The following LAMB3 variants were observed in gnomAD, a reference collection of about 807,000 sequenced individuals.
The protein encoded by LAMB3 is laminin subunit beta 3.
LAMB3 carries 104 observed loss-of-function variants against 140.3 expected under a neutral mutation model. The observed-to-expected ratio is 0.74, with a 90% CI of 0.63 to 0.87. The LOEUF (loss-of-function observed/expected upper bound fraction) is 0.87, where lower values mean the gene tolerates loss of function less well. Ranked by LOEUF, LAMB3 falls within the 40% of genes least tolerant of loss-of-function variation. LAMB3 has a pLI of 0.00. For missense variants in LAMB3, 1,531 were observed against 1,575.2 expected (o/e 0.97, Z 0.47); for synonymous variants, 592 against 602.9 (o/e 0.98, Z 0.26).
chr1:209,635,391 T>A (rs971952464), intron 5 of LAMB3, among the ~76,000 whole-genome samples: 6 of 120,130 alleles, frequency 5.0e-5, no homozygotes, highest in African/African-American at 2.1e-4. Context: ...TTCTGTTTTT[T>A]GTTTGTTTGT....
chr1:209,618,309 TG>T, intron 19 of LAMB3, 142 bp downstream of exon 19: 1 of 936,170 alleles, frequency 1.1e-6, no homozygotes, highest in Non-Finnish European at 1.7e-6. Context: ...ACCTGCACTC[TG>T]GACTCTGTGT....
chr1:209,616,519 C>T lies in LAMB3; in HGVS notation c.3334G>A (p.Ala1112Thr). ...GARIQSVKTEAEELFGETMEM... is the reference protein window; with the variant it reads ...GARIQSVKTETEELFGETMEM... Reference sequence around the variant, plus strand: ...ATGGTCTCCCCAAACAGCTCCTCTGCCTCTGTCTTCACACTCTGGATCCGG... The same window carrying T: ...ATGGTCTCCCCAAACAGCTCCTCTGTCTCTGTCTTCACACTCTGGATCCGG... The change falls in exon 22 of 23, where the codon GCA becomes ACA. Residue 1112 changes from alanine to threonine, a missense_variant. By Grantham distance (58) the Ala-to-Thr change is moderately conservative (BLOSUM62 0). Transcript: ENST00000356082. 6.2e-7 allele frequency: 1 copy of T among 1,614,212 alleles called. No homozygotes were observed. Among genetic ancestry groups the T allele is most frequent in the Non-Finnish European group, 8.5e-7 (1 of 1,180,034 alleles).
intron 1 of LAMB3, chr1:209,652,138 C>T (rs1417676163): frequency 2.0e-5 from 3 of 152,270 alleles, no homozygotes; most frequent in African/African-American, 7.2e-5. Flanking sequence ...CTTCTCACTT[C>T]TCTTTTGTGC....
rs368295070 is a variant in LAMB3, at chr1:209,623,187, C to T, written c.2359-8G>A. ...CCTGGAGTTGCCACAGAGCTGTGGA[C>T]AGATGGCGGTGTTAAAGAGGCTACC... On this transcript the variant is annotated splice_polypyrimidine_tract_variant and splice_region_variant and intron_variant, in intron 16 of 22. Transcript: ENST00000356082. The surrounding 1 kb of genome is among the most constrained non-coding windows in gnomAD (Gnocchi z 4.2). The T allele has an allele frequency of 4.2e-5, 67 of 1,614,000 alleles. No individual in the cohort carries two copies. Among genetic ancestry groups the T allele is most frequent in the Non-Finnish European group, 5.3e-5 (63 of 1,179,964 alleles).
chr1:209,650,891 C>A, intron 2 of LAMB3, 26 bp downstream of exon 2: 1 of 1,612,740 alleles, frequency 6.2e-7, no homozygotes, highest in Non-Finnish European at 8.5e-7. Context: ...ATAACAGGGC[C>A]TGGAAGGATG....
At chr1:209,617,671 G>T (rs994364682) in intron 20 of LAMB3, 85 bp from the exon 21 acceptor site, 3 of 1,513,656 alleles carry the variant, frequency 2.0e-6, no homozygotes, top group African/African-American at 2.7e-5. Context: ...AACTCATCAG[G>T]CAGCAAAAAC....
At chr1:209,639,635 ACACAC>A (rs2076447034) in intron 3 of LAMB3, among the ~76,000 whole-genome samples, 1 of 152,000 alleles carries the variant, frequency 6.6e-6, no homozygotes, top group Non-Finnish European at 1.5e-5. Flanking sequence ...ACACACACAC[ACACAC>A]ACGCACACGC....
intron 19 of LAMB3, 49 bp downstream of exon 19, chr1:209,618,403 A>C (rs373166932): frequency 4.4e-6 from 7 of 1,588,056 alleles, no homozygotes; most frequent in Admixed American, 1.7e-5. Flanking sequence ...GAGGAGCAAA[A>C]CGCCAGCTTA....
chr1:209,635,902 T>A (rs1442799173), intron 5 of LAMB3, among the ~76,000 whole-genome samples: 1 of 152,228 alleles, frequency 6.6e-6, no homozygotes, highest in East Asian at 1.9e-4. Flanking sequence ...AGGCCACCTC[T>A]TCTCTTCAAG....
intron 19 of LAMB3, 88 bp from the exon 20 acceptor site, chr1:209,618,136 G>C: frequency 6.5e-7 from 1 of 1,530,042 alleles, no homozygotes; most frequent in Non-Finnish European, 9.0e-7. Context: ...CAGTCCAAAA[G>C]AACACCCTTC....
Position 209,638,044 on chromosome 1 carries a change from A to T in LAMB3, c.299-63T>A, listed in dbSNP as rs1295754291. 9 of 1,373,564 alleles carry T rather than the reference A, an allele frequency of 6.6e-6. No individual in the cohort carries two copies. In the East Asian group the frequency reaches 1.9e-4, roughly 29 times the overall value. The allele number at this position is 1,373,564 out of a possible 1,614,324, so 85.1% of individuals were successfully genotyped here. Reference sequence around the variant, plus strand: ...TGTCCACTTCCCCAGCCCTGAAGGAAGCCCTGGATTAGACTAGCTCTAGGA... The same window carrying T: ...TGTCCACTTCCCCAGCCCTGAAGGATGCCCTGGATTAGACTAGCTCTAGGA... On this transcript the variant is annotated intron_variant, in intron 4 of 22. Coordinates refer to ENST00000356082, the MANE Select transcript of LAMB3 (RefSeq NM_000228.3).
At position 209,627,288 on chromosome 1, in the gene LAMB3, A is replaced by G. The variant is rs933424432; in HGVS notation, c.1485+95T>C. 5 of 1,001,256 alleles carry G rather than the reference A, an allele frequency of 5.0e-6. No homozygotes were observed. The African/African-American group carries it at 6.5e-5, about 13-fold the overall frequency. 62.0% of individuals were successfully genotyped at this position (1,001,256 alleles called of 1,614,324 possible). A position where few individuals can be genotyped will look rare whatever the true frequency, so the allele number is the denominator to read the frequency against. Reference sequence around the variant, plus strand: ...GAAGACGCCCAGTCTGACAGGGGAGAGGCCTAGAAGGGCAGCATGGAGGGG... The same window carrying G: ...GAAGACGCCCAGTCTGACAGGGGAGGGGCCTAGAAGGGCAGCATGGAGGGG... On this transcript the variant is annotated intron_variant, in intron 12 of 22. Coordinates refer to ENST00000356082, the MANE Select transcript of LAMB3 (RefSeq NM_000228.3).
chr1:209,636,475 A>G (rs1256134707), intron 5 of LAMB3, among the ~76,000 whole-genome samples: 2 of 152,184 alleles, frequency 1.3e-5, no homozygotes, highest in Admixed American at 6.5e-5. Flanking sequence ...CCCAACACCT[A>G]GCACATGGGT....
At position 209,624,060 on chromosome 1, in the gene LAMB3, G is replaced by C. The variant is rs1666326491; in HGVS notation, c.1977-60C>G. The C allele has an allele frequency of 8.0e-6, 12 of 1,500,944 alleles. No individual in the cohort carries two copies. In the South Asian group the frequency reaches 1.3e-4, roughly 16 times the overall value. The allele number at this position is 1,500,944 out of a possible 1,614,324, so 93.0% of individuals were successfully genotyped here. On this transcript the variant is annotated intron_variant, in intron 14 of 22. Coordinates refer to ENST00000356082, the MANE Select transcript of LAMB3 (RefSeq NM_000228.3). ...GAGGGAGTTTTGCCTCCCCAAAGCA[G>C]CTATCCCCTCAGAGCAACTGCTACT...
rs776174778 is a variant in LAMB3 at position 209,623,575 on chromosome 1, C to T, written c.2288G>A (p.Gly763Asp). 1.2e-6 allele frequency: 2 copies of T among 1,614,196 alleles called. No individual in the cohort carries two copies. The highest frequency in any genetic ancestry group is 2.2e-5 in the South Asian group (2 of 91,084). The change falls in exon 16 of 23, where the codon GGC becomes GAC. Residue 763 changes from glycine to aspartate, a missense_variant. Physicochemically the swap from Gly to Asp is moderately conservative, Grantham distance 94. Coordinates refer to ENST00000356082, the MANE Select transcript of LAMB3 (RefSeq NM_000228.3). The surrounding 1 kb of genome is among the most constrained non-coding windows in gnomAD (Gnocchi z 4.2). ...VRQAGGGGGT[G>D]SPKLVALRLE... is the part of the protein sequence containing the mutation. Reference sequence around the variant, plus strand: ...CCTCAGGGCCACAAGCTTGGGGCTGCCGGTGCCTCCTCCTCCTCCCGCCTG... The same window carrying T: ...CCTCAGGGCCACAAGCTTGGGGCTGTCGGTGCCTCCTCCTCCTCCCGCCTG...
Position 209,634,464 on chromosome 1 carries a change from G to T in LAMB3, c.547C>A (p.Arg183Ser). The change falls in exon 6 of 23, where the codon CGC becomes AGC. Residue 183 changes from arginine (R) to serine (S), a missense_variant. Coordinates refer to ENST00000356082, the MANE Select transcript of LAMB3 (RefSeq NM_000228.3). ...CQSLPQRPNA[R>S]LNGGKVQLNL... is the part of the protein sequence containing the mutation. Reference sequence around the variant, plus strand: ...CTACCTACCTTCCCCCCATTTAGGCGTGCATTAGGCCTCTGAGGCAGGGAC... The same window carrying T: ...CTACCTACCTTCCCCCCATTTAGGCTTGCATTAGGCCTCTGAGGCAGGGAC... 1 of 1,614,036 alleles carries T rather than the reference G, an allele frequency of 6.2e-7. No individual in the cohort carries two copies. The highest frequency in any genetic ancestry group is 8.5e-7 in the Non-Finnish European group (1 of 1,180,000).
At chr1:209,641,385 T>C (rs756544874) in intron 3 of LAMB3, among the ~76,000 whole-genome samples, 3 of 152,164 alleles carry the variant, frequency 2.0e-5, no homozygotes, top group Non-Finnish European at 4.4e-5. Context: ...ACATGATAAG[T>C]AGTATTAGCC....
At position 209,628,098 on chromosome 1, in the gene LAMB3, G is replaced by A. The variant is rs750455797; in HGVS notation, c.1225C>T (p.Arg409Cys). 1.6e-5 allele frequency: 26 copies of A among 1,601,986 alleles called. No homozygotes were observed. The highest frequency in any genetic ancestry group is 1.1e-4 in the East Asian group (5 of 44,270). The part of the protein sequence containing the change: ...CVCKEHVQGE[R>C]CDLCKPGFTG... ...AAGCCCGGCTTGCATAGGTCACAGC[G>A]CTCTCCCTGCACATGCTCCTTGCAC... Residue 409 changes from arginine (R) to cysteine (C), a missense_variant, in exon 11 of 23, where the codon CGC becomes TGC. By Grantham distance (180) the Arg-to-Cys change is radical. Transcript: ENST00000356082.
chr1:209,642,334 T>C (rs1361743479), intron 3 of LAMB3, among the ~76,000 whole-genome samples: 1 of 152,188 alleles, frequency 6.6e-6, no homozygotes, highest in Non-Finnish European at 1.5e-5. Context: ...AGTGAAAACA[T>C]GAAATTGCTG....
Sources: allele counts gnomAD v4.1 joint callset (sites outside exome capture counted in the v4.1 genomes callset), GRCh38; gene constraint gnomAD v4.1.1; non-coding constraint Gnocchi (gnomAD v3.1); transcripts MANE v1.5; gene names NCBI Gene and HGNC (gene_info 2026-07-23, HGNC 2026-07-21).